The following FBN1 variants were observed in gnomAD, a reference collection of about 807,000 sequenced individuals.
The protein encoded by FBN1 is fibrillin 1.
A neutral mutation model predicts 365.1 loss-of-function variants in FBN1; 29 were observed. The observed-to-expected ratio is 0.08, with a 90% CI of 0.06 to 0.11. The LOEUF is 0.11. FBN1 is among the 10% of genes least tolerant of loss of function. The pLI, the probability that FBN1 is intolerant of heterozygous loss-of-function variation, is 1.00. For synonymous variants in FBN1, 1,210 were observed against 1,270.5 expected, an observed-to-expected ratio of 0.95 and a Z score of 1.01; for missense variants, 2,476 against 3,703.2, an observed-to-expected ratio of 0.67 and a Z score of 8.60.
intron 57 of FBN1, 57 bp from the exon 58 acceptor site, chr15:48,427,830 A>T: frequency 6.5e-7 from 1 of 1,539,518 alleles, no homozygotes; most frequent in Non-Finnish European, 8.9e-7. Flanking sequence ...AGCAAACAAA[A>T]TATTAAAAAT....
rs143984686 is a variant in FBN1, at chr15:48,507,518, T to C, written c.1837+1064A>G. Among the ~76,000 whole-genome samples the C allele has an allele frequency of 4.4e-3, 663 of 152,296 alleles. 7 individuals are homozygous for C. Among genetic ancestry groups the C allele is most frequent in the African/African-American group, 0.015 (630 of 41,556 alleles). ...CAGGTTTGCACAATATTAAGAGCCA[T>C]TGATGTGAAGGTCATAGAGAATGTA... On this transcript the variant is annotated intron_variant, in intron 15 of 65. Transcript: ENST00000316623.
rs2141208453 is a variant in FBN1 at position 48,410,065 on chromosome 15, C to T, written c.*925G>A. ...CCCAAATCCATGCAAGAACACAAAG[C>T]CAAGGGGTAAACTAAAAAAAAGAAG... On this transcript the variant is annotated 3_prime_UTR_variant, in exon 66 of 66. Transcript: ENST00000316623. 1 of 152,644 alleles carries T rather than the reference C, an allele frequency of 6.6e-6. No individual in the cohort carries two copies. The highest frequency in any genetic ancestry group is 2.1e-4 in the South Asian group (1 of 4,806). 9.5% of individuals were successfully genotyped at this position (152,644 alleles called of 1,614,324 possible). A position where few individuals can be genotyped will look rare whatever the true frequency, so the allele number is the denominator to read the frequency against.
chr15:48,607,748 A>G (rs1009217447), intron 4 of FBN1, among the ~76,000 whole-genome samples: 5 of 152,216 alleles, frequency 3.3e-5, no homozygotes, highest in Admixed American at 2.6e-4. Context: ...ACAAATATAT[A>G]TGTAAAGTTA....
At chr15:48,550,985 G>T (rs914886072) in intron 6 of FBN1, among the ~76,000 whole-genome samples, 1 of 152,126 alleles carries the variant, frequency 6.6e-6, no homozygotes, top group Admixed American at 6.6e-5. Flanking sequence ...ATGAATGAAT[G>T]AATGAATGGA....
chr15:48,624,432 A>G (rs915741441), intron 2 of FBN1, among the ~76,000 whole-genome samples: 1 of 152,228 alleles, frequency 6.6e-6, no homozygotes, highest in African/African-American at 2.4e-5. Context: ...TATCTGGCCT[A>G]CTGGCGTCAC....
intron 47 of FBN1, 107 bp from the exon 48 acceptor site, chr15:48,445,611 C>T: frequency 1.6e-6 from 2 of 1,261,010 alleles, no homozygotes; most frequent in Non-Finnish European, 2.3e-6. Flanking sequence ...ATTTTAGTGG[C>T]CTTTGCTGGC....
intron 63 of FBN1, chr15:48,416,508 G>C (rs2042904551): frequency 6.5e-6 from 1 of 154,602 alleles, no homozygotes; most frequent in African/African-American, 2.4e-5. Flanking sequence ...AACTAAGTGT[G>C]GCTGGAAGAG....
intron 17 of FBN1, among the ~76,000 whole-genome samples, chr15:48,499,435 C>T (rs1046290787): frequency 6.6e-5 from 10 of 152,204 alleles, no homozygotes; most frequent in African/African-American, 2.4e-4. Context: ...TCAGTGCTAG[C>T]TGTTTTTTCA....
At chr15:48,599,821 G>A (rs1432570599) in intron 5 of FBN1, among the ~76,000 whole-genome samples, 2 of 152,176 alleles carry the variant, frequency 1.3e-5, no homozygotes, top group Non-Finnish European at 2.9e-5. Context: ...GCAAGTGGGT[G>A]GAAGGTATGT....
At chr15:48,461,408 T>C (rs2043279307) in intron 42 of FBN1, among the ~76,000 whole-genome samples, 1 of 152,160 alleles carries the variant, frequency 6.6e-6, no homozygotes, top group South Asian at 2.1e-4. Flanking sequence ...AATAATCCAT[T>C]AGGATAAAAA....
intron 2 of FBN1, among the ~76,000 whole-genome samples, chr15:48,617,179 T>C (rs977732705): frequency 2.2e-4 from 33 of 151,994 alleles, no homozygotes; most frequent in African/African-American, 7.7e-4. Context: ...TTTTTTTGCT[T>C]TTTTGTTTTT....
chr15:48,479,155 G>T (rs955141798), intron 32 of FBN1, among the ~76,000 whole-genome samples: 2 of 152,132 alleles, frequency 1.3e-5, no homozygotes, highest in South Asian at 2.1e-4. Context: ...GTAACCTGAC[G>T]GTGTTCTAAG....
intron 8 of FBN1, among the ~76,000 whole-genome samples, chr15:48,526,764 C>G (rs540893198): frequency 6.6e-6 from 1 of 152,278 alleles, no homozygotes; most frequent in East Asian, 1.9e-4. Context: ...CAGTGGCACC[C>G]AAACTACCAT....
rs563510306 is a variant in FBN1, at chr15:48,505,592, T to C, written c.1838-445A>G. 1.4e-4 allele frequency among the ~76,000 whole-genome samples: 21 copies of C among 152,296 alleles called. 1 individual carries two copies. The highest frequency in any genetic ancestry group is 5.2e-4 in the Admixed American group (8 of 15,298). On this transcript the variant is annotated intron_variant, in intron 15 of 65. Transcript: ENST00000316623. ...CTGGCATCACTTCTAGTATCACCCA[T>C]GTCTTGGCTCTCTGGGAAAATTCGC... is the stretch of plus-strand genomic sequence containing the variant.
chr15:48,536,231 T>C (rs1480941432), intron 7 of FBN1, among the ~76,000 whole-genome samples: 1 of 152,072 alleles, frequency 6.6e-6, no homozygotes, highest in Non-Finnish European at 1.5e-5. Flanking sequence ...ATAAAAAACA[T>C]TTTTTTTCTT....
At chr15:48,454,202 T>G (rs1180196062) in intron 44 of FBN1, among the ~76,000 whole-genome samples, 1 of 152,202 alleles carries the variant, frequency 6.6e-6, no homozygotes. Flanking sequence ...TCTGAATTTC[T>G]AATAAGTTCC....
chr15:48,578,168 T>C (rs563964986), intron 6 of FBN1, among the ~76,000 whole-genome samples: 8 of 152,174 alleles, frequency 5.3e-5, no homozygotes, highest in Non-Finnish European at 1.0e-4. Flanking sequence ...CCTTCTAAGG[T>C]TGGCAAGTAG....
chr15:48,603,437 G>A (rs1303378333), intron 4 of FBN1, among the ~76,000 whole-genome samples: 1 of 152,180 alleles, frequency 6.6e-6, no homozygotes, highest in Non-Finnish European at 1.5e-5. Flanking sequence ...GGGAGCAGTC[G>A]CTCAGGATTT....
chr15:48,446,963 G>A lies in FBN1; in HGVS notation c.5672-141C>T, dbSNP rs1301853870. ...CTTCTTGATGTTGGTATCAGCTCCA[G>A]CAGCAGTCATCCCTGCAAGATACCA... On this transcript the variant is annotated intron_variant, in intron 46 of 65. Transcript: ENST00000316623. 7.6e-6 allele frequency: 5 copies of A among 661,566 alleles called. No individual in the cohort carries two copies. In the Admixed American group the frequency reaches 1.1e-4, roughly 14 times the overall value. 41.0% of individuals were successfully genotyped at this position (661,566 alleles called of 1,614,324 possible).
Sources: gnomAD v4.1 joint callset for allele counts (sites outside exome capture counted in the v4.1 genomes callset) on GRCh38, gnomAD v4.1.1 for gene constraint, MANE v1.5 for transcripts, NCBI Gene and HGNC (gene_info 2026-07-23, HGNC 2026-07-21) for gene names.